The following EHBP1 variants were observed in gnomAD, a reference collection of about 807,000 sequenced individuals.
EHBP1 encodes EH domain binding protein 1.
EHBP1 carries 55 observed loss-of-function variants against 144.0 expected under a neutral mutation model. The observed-to-expected ratio is 0.38, with a 90% confidence interval of 0.31 to 0.48. The LOEUF is 0.48. Among genes scored for constraint, EHBP1 ranks in the 20% least tolerant of loss-of-function variants. The pLI is 0.98. For synonymous variants in EHBP1, 469 were observed against 472.7 expected, an observed-to-expected ratio of 0.99 and a Z score of 0.10; for missense variants, 1,200 against 1,364.2, an observed-to-expected ratio of 0.88 and a Z score of 1.90.
At chr2:62,823,274 A>T (rs1447204477) in intron 5 of EHBP1, among the ~76,000 whole-genome samples, 3 of 152,168 alleles carry the variant, frequency 2.0e-5, no homozygotes, top group African/African-American at 7.2e-5. Flanking sequence ...ACTGATGTTT[A>T]AACATAGGCC....
At position 63,037,569 on chromosome 2, in the gene EHBP1, G is replaced by A; in HGVS notation, c.3138G>A (p.Gln1046=). The change falls in exon 20 of 23, where the codon CAG becomes CAA. Residue 1046 remains glutamine (Q), a synonymous_variant. Coordinates refer to ENST00000431489, the MANE Select transcript of EHBP1 (RefSeq NM_001142616.3). ...RNTEEEEAMM[Q]EWFMLVNKKN... is the part of the protein sequence containing the mutation. ...CAGAAGAAGAAGAAGCTATGATGCA[G>A]GAATGGTTTATGTTAGTTAATAAGA... 6.2e-7 allele frequency: 1 copy of A among 1,606,948 alleles called. No homozygotes were observed. Among genetic ancestry groups the A allele is most frequent in the African/African-American group, 1.3e-5 (1 of 74,700 alleles).
intron 1 of EHBP1, among the ~76,000 whole-genome samples, chr2:62,693,285 CA>C (rs1398387339): frequency 6.6e-6 from 1 of 152,010 alleles, no homozygotes; most frequent in African/African-American, 2.4e-5. Flanking sequence ...AGGTTGCTTC[CA>C]AATCTTGGCA....
rs987211295 is a variant in EHBP1 at position 62,877,778 on chromosome 2, A to G, written c.1185+3246A>G. Among the ~76,000 whole-genome samples, 9 of 152,240 alleles carry G rather than the reference A, an allele frequency of 5.9e-5. 1 individual carries two copies. Among genetic ancestry groups the G allele is most frequent in the Non-Finnish European group, 1.5e-5 (1 of 68,030 alleles). ...GGCAGAAATCAAGAAATTCTTTGAA[A>G]CAAATGAAAACAAAAATACAACATA... On this transcript the variant is annotated intron_variant, in intron 10 of 22. Coordinates refer to ENST00000431489, the MANE Select transcript of EHBP1 (RefSeq NM_001142616.3).
intron 10 of EHBP1, among the ~76,000 whole-genome samples, chr2:62,931,401 A>T (rs1476562114): frequency 6.6e-6 from 1 of 152,188 alleles, no homozygotes; most frequent in Admixed American, 6.5e-5. Context: ...ATTGGTGAGG[A>T]TGTAGAAGAA....
intron 10 of EHBP1, among the ~76,000 whole-genome samples, chr2:62,905,838 T>C (rs115752126): frequency 2.5e-3 from 374 of 151,860 alleles, no homozygotes; most frequent in African/African-American, 8.6e-3. Context: ...AAAAAATTAG[T>C]CACTTTTGTA....
intron 5 of EHBP1, among the ~76,000 whole-genome samples, chr2:62,807,772 G>A (rs181424679): frequency 6.6e-6 from 1 of 152,230 alleles, no homozygotes; most frequent in African/African-American, 2.4e-5. Flanking sequence ...TGAAGAATAA[G>A]TTCACAGGGT....
At chr2:62,757,426 C>CTTTTT (rs555494268) in intron 3 of EHBP1, among the ~76,000 whole-genome samples, 9 of 113,036 alleles carry the variant, frequency 8.0e-5, no homozygotes, top group Non-Finnish European at 1.1e-4. Context: ...TTTTTTTTTT[C>CTTTTT]TTTTTTTTTT....
chr2:62,806,657 T>A (rs1000856), intron 5 of EHBP1, among the ~76,000 whole-genome samples: 4,652 of 152,270 alleles, frequency 0.031, 95 homozygotes, highest in Non-Finnish European at 0.047. Context: ...CCACCACACT[T>A]GGCTTAATTG....
chr2:62,734,287 C>G (rs148075988), intron 2 of EHBP1, among the ~76,000 whole-genome samples: 2 of 151,478 alleles, frequency 1.3e-5, no homozygotes, highest in East Asian at 1.9e-4. Context: ...TAGAAATTCA[C>G]TCATGTTTTC....
chr2:62,778,667 C>T (rs187721360), intron 5 of EHBP1, among the ~76,000 whole-genome samples: 2 of 151,968 alleles, frequency 1.3e-5, no homozygotes, highest in Admixed American at 1.3e-4. Flanking sequence ...ATACCAAGAA[C>T]AGAGATGATA....
At position 62,707,160 on chromosome 2, in the gene EHBP1, C is replaced by A; in HGVS notation, c.-32C>A. 6.3e-7 allele frequency: 1 copy of A among 1,576,310 alleles called. No homozygotes were observed. Among genetic ancestry groups the A allele is most frequent in the South Asian group, 1.1e-5 (1 of 90,276 alleles). On this transcript the variant is annotated 5_prime_UTR_variant, in exon 2 of 23. Transcript: ENST00000431489. ...TTATTAAAGCTGCTGTATTGCTAAC[C>A]CAGAACTGCTCCAGTGTCTTGACTG...
intron 10 of EHBP1, among the ~76,000 whole-genome samples, chr2:62,910,644 T>TA (rs1253506953): frequency 1.3e-5 from 2 of 152,276 alleles, no homozygotes; most frequent in East Asian, 1.9e-4. Context: ...TTGGTAAAAT[T>TA]AAGGTTTTTG....
chr2:62,740,575 C>T (rs1434429071), intron 2 of EHBP1, among the ~76,000 whole-genome samples: 2 of 152,128 alleles, frequency 1.3e-5, no homozygotes, highest in East Asian at 1.9e-4. Flanking sequence ...ATGAAATGTT[C>T]GTTTATGGCT....
chr2:62,820,737 AATATATATATATATATAT>A lies in EHBP1; in HGVS notation c.313-5323_313-5306del, dbSNP rs57039974. 4.7e-3 allele frequency among the ~76,000 whole-genome samples: 256 copies of A among 54,650 alleles called. 5 individuals are homozygous for A. Among genetic ancestry groups the A allele is most frequent in the African/African-American group, 0.011 (145 of 13,374 alleles). The allele number at this position is 54,650 out of a possible 152,430, so 35.9% of individuals were successfully genotyped here. On this transcript the variant is annotated intron_variant, in intron 5 of 22. Coordinates refer to ENST00000431489, the MANE Select transcript of EHBP1 (RefSeq NM_001142616.3). ...TGTGTGTGTGTGTGTGTGTGTGTAT[AATATATATATATATATAT>A]ATATATATATATATATATATATATA...
At chr2:62,919,507 A>C (rs1005226042) in intron 10 of EHBP1, among the ~76,000 whole-genome samples, 3 of 152,202 alleles carry the variant, frequency 2.0e-5, no homozygotes, top group African/African-American at 7.2e-5. Context: ...TTTTAAGCAC[A>C]AACAAATAAC....
intron 15 of EHBP1, among the ~76,000 whole-genome samples, chr2:62,979,557 ACT>A (rs1164004183): frequency 6.6e-6 from 1 of 152,168 alleles, no homozygotes; most frequent in East Asian, 1.9e-4. Context: ...CTCAAGAAGT[ACT>A]CTCTTAGAAT....
chr2:63,020,571 G>A (rs778095198), intron 19 of EHBP1, among the ~76,000 whole-genome samples: 3 of 151,840 alleles, frequency 2.0e-5, no homozygotes, highest in Non-Finnish European at 4.4e-5. Context: ...AAAGTTATGA[G>A]TACTTAGCAC....
intron 5 of EHBP1, 155 bp from the exon 6 acceptor site, chr2:62,825,932 T>G: frequency 2.0e-6 from 1 of 504,234 alleles, no homozygotes; most frequent in Non-Finnish European, 3.2e-6. Context: ...GTGATACAAC[T>G]TCATTGTAAT....
At chr2:62,994,896 A>G (rs941769209) in intron 18 of EHBP1, among the ~76,000 whole-genome samples, 10 of 152,162 alleles carry the variant, frequency 6.6e-5, no homozygotes, top group African/African-American at 2.2e-4. Flanking sequence ...ATACTTAACT[A>G]TACTATGTAC....
Sources: gnomAD v4.1 joint callset for allele counts (sites outside exome capture counted in the v4.1 genomes callset) on GRCh38, gnomAD v4.1.1 for gene constraint, MANE v1.5 for transcripts, NCBI Gene and HGNC (gene_info 2026-07-23, HGNC 2026-07-21) for gene names.